The following GANAB variants were observed in gnomAD, a reference collection of about 807,000 sequenced individuals.
GANAB encodes the protein glucosidase II alpha subunit.
A neutral mutation model predicts 129.9 loss-of-function variants in GANAB; 35 were observed. That is an observed-to-expected ratio of 0.27 (90% CI 0.21 to 0.36). GANAB has a LOEUF of 0.36. Among genes scored for constraint, GANAB ranks in the 10% least tolerant of loss-of-function variants. GANAB has a pLI of 1.00. For synonymous variants in GANAB, 482 were observed against 451.8 expected (o/e 1.07, Z -0.85); for missense variants, 939 against 1,221.0 (o/e 0.77, Z 3.44).
intron 16 of GANAB, 78 bp downstream of exon 16, chr11:62,629,116 T>G (rs1042080194): frequency 1.4e-5 from 22 of 1,537,234 alleles, no homozygotes; most frequent in African/African-American, 5.5e-5. Flanking sequence ...CTCTCTTTGC[T>G]TACAACACCT....
At chr11:62,638,354 A>G (rs1944042401) in intron 4 of GANAB, among the ~76,000 whole-genome samples, 3 of 152,222 alleles carry the variant, frequency 2.0e-5, no homozygotes, top group South Asian at 2.1e-4. Flanking sequence ...GGGTTTCACC[A>G]TGTTGGCCAA....
intron 5 of GANAB, chr11:62,634,435 CAG>C: frequency 4.5e-6 from 5 of 1,104,924 alleles, no homozygotes; most frequent in Non-Finnish European, 7.0e-6. Context: ...AACACAAAAA[CAG>C]AAACATAAAA....
In GANAB at chr11:62,632,995, T is replaced by C. The variant is rs781207812; in HGVS notation, c.815+10A>G. 5 of 1,501,880 alleles carry C rather than the reference T, an allele frequency of 3.3e-6. No homozygotes were observed. Among genetic ancestry groups the C allele is most frequent in the Non-Finnish European group, 4.6e-6 (5 of 1,077,954 alleles). 93.0% of individuals were successfully genotyped at this position (1,501,880 alleles called of 1,614,324 possible). Reference sequence around the variant, plus strand: ...CACCTCCATCTTCCTGATGTCACCATAGGACTCACTCAGTGACCTTCAGCC... The same window carrying C: ...CACCTCCATCTTCCTGATGTCACCACAGGACTCACTCAGTGACCTTCAGCC... On this transcript the variant is annotated intron_variant, in intron 8 of 23. Transcript: ENST00000356638.
rs771955177 is a variant in GANAB at position 62,634,824 on chromosome 11, ACCCTAGGGG to A, written c.548_556del (p.Ala183_Arg185del). The A allele has an allele frequency of 2.5e-6, 4 of 1,612,732 alleles. No homozygotes were observed. Among genetic ancestry groups the A allele is most frequent in the African/African-American group, 2.7e-5 (2 of 74,834 alleles). On this transcript the variant is annotated inframe_deletion, in exon 5 of 24. Transcript: ENST00000356638. ...CAGTCCCAACCCCTGTACTCACGAG[ACCCTAGGGG>A]CCCTCTGATGCTCAAACTCCAAGAG...
intron 1 of GANAB, chr11:62,639,999 GC>G: frequency 2.6e-6 from 1 of 380,286 alleles, no homozygotes; most frequent in Non-Finnish European, 4.8e-6. Flanking sequence ...ACTTTGGGAG[GC>G]TGCGGCGGGC....
chr11:62,644,903 A>G (rs987861571), intron 1 of GANAB, among the ~76,000 whole-genome samples: 2 of 152,158 alleles, frequency 1.3e-5, no homozygotes, highest in African/African-American at 4.8e-5. Flanking sequence ...TCTATTATAC[A>G]CATTGTATCT....
In GANAB at chr11:62,639,344, C is replaced by T. The variant is rs909254322; in HGVS notation, c.252+15G>A. On this transcript the variant is annotated intron_variant, in intron 3 of 23. Coordinates refer to ENST00000356638, the MANE Select transcript of GANAB (RefSeq NM_198334.3). ...TTGCCCCACCCCCACCAGACTCTTC[C>T]TTGTCTCTCCTGACCTTGGTGACCT... 3.9e-6 allele frequency: 6 copies of T among 1,555,670 alleles called. No homozygotes were observed. The Middle Eastern group carries it at 5.0e-4, about 130-fold the overall frequency.
Position 62,627,079 on chromosome 11 carries a change from C to A in GANAB, c.2291G>T (p.Gly764Val), listed in dbSNP as rs1199675120. 6.2e-7 allele frequency: 1 copy of A among 1,614,034 alleles called. No individual in the cohort carries two copies. The highest frequency in any genetic ancestry group is 8.5e-7 in the Non-Finnish European group (1 of 1,179,884). ...VHPVSDSGAH[G>V]VQVYLPGQGE... ...TTGGCCAGGCAGATAGACCTGGACACCATGGGCTCCAGAGTCTGATACAGG... is the reference window on the plus strand; with the variant it reads ...TTGGCCAGGCAGATAGACCTGGACAACATGGGCTCCAGAGTCTGATACAGG... The change falls in exon 19 of 24, where the codon GGT becomes GTT. Residue 764 changes from glycine to valine, a missense_variant. Gly to Val is a moderately radical substitution (Grantham distance 109, BLOSUM62 -3). This residue lies in a region of GANAB where 230 missense variants were observed against 259.9 expected (regional missense o/e 0.89). Coordinates refer to ENST00000356638, the MANE Select transcript of GANAB (RefSeq NM_198334.3).
intron 15 of GANAB, 71 bp downstream of exon 15, chr11:62,629,517 G>T: frequency 2.0e-6 from 2 of 1,015,142 alleles, no homozygotes; most frequent in Non-Finnish European, 1.5e-6. Context: ...CAGAGAGGCA[G>T]GTCCAGGTCC....
chr11:62,629,760 A>G (rs915137149), intron 14 of GANAB, 54 bp downstream of exon 14: 1 of 1,609,060 alleles, frequency 6.2e-7, no homozygotes, highest in Non-Finnish European at 8.5e-7. Flanking sequence ...CTAGGCCCTC[A>G]GTCTCTGGGC....
Position 62,634,951 on chromosome 11 carries a change from C to A in GANAB, c.430G>T (p.Glu144Ter). 1.2e-6 allele frequency: 2 copies of A among 1,613,886 alleles called. No homozygotes were observed. Among genetic ancestry groups the A allele is most frequent in the Non-Finnish European group, 1.7e-6 (2 of 1,179,752 alleles). ...GTCAAGATGATCTTGTAGGGTCCCT[C>A]AGCCATGGTTAACTCCACACTGTTC... ...DENSVELTMA[E>*]GPYKIILTAR... Residue 144 changes from glutamate (E) to a stop codon, truncating the protein, a stop_gained, in exon 5 of 24, where the codon GAG (glutamate) becomes TAG (stop). Coordinates refer to ENST00000356638, the MANE Select transcript of GANAB (RefSeq NM_198334.3). LOFTEE classifies it high-confidence loss of function.
chr11:62,637,666 C>T (rs1430415878), intron 4 of GANAB, among the ~76,000 whole-genome samples: 2 of 152,086 alleles, frequency 1.3e-5, no homozygotes, highest in Non-Finnish European at 2.9e-5. Context: ...TATATTCATA[C>T]AACATAATAA....
At chr11:62,634,482 G>C in intron 5 of GANAB, 1 of 745,850 alleles carries the variant, frequency 1.3e-6, no homozygotes, top group Non-Finnish European at 2.4e-6. Context: ...AGAGATGGGG[G>C]GAAAAAGAAA....
At chr11:62,642,437 CTT>C (rs769063549) in intron 1 of GANAB, among the ~76,000 whole-genome samples, 13 of 140,674 alleles carry the variant, frequency 9.2e-5, no homozygotes, top group Non-Finnish European at 1.1e-4. Flanking sequence ...GGGCATCAGA[CTT>C]TTTTTTTTTT....
Position 62,646,163 on chromosome 11 carries a change from A to AGGGGCCGC in GANAB, c.38+391_38+398dup, listed in dbSNP as rs1166661441. ...TGGCCCGGTGCTTCCAGCTCAGCCGAGGGGCCGCGGGGCCGCAGGCTGCAT... is the reference window on the plus strand; with the variant it reads ...TGGCCCGGTGCTTCCAGCTCAGCCGAGGGGCCGCGGGGCCGCGGGGCCGCAGGCTGCAT... On this transcript the variant is annotated intron_variant, in intron 1 of 23. Coordinates refer to ENST00000356638, the MANE Select transcript of GANAB (RefSeq NM_198334.3). Among the ~76,000 whole-genome samples the AGGGGCCGC allele has an allele frequency of 3.0e-3, 455 of 152,274 alleles. 10 individuals carry two copies. The highest frequency in any genetic ancestry group is 0.027 in the Admixed American group (417 of 15,304).
At position 62,631,171 on chromosome 11, in the gene GANAB, T is replaced by C. The variant is rs759817337; in HGVS notation, c.1009A>G (p.Lys337Glu). 3 of 1,591,790 alleles carry C rather than the reference T, an allele frequency of 1.9e-6. No individual in the cohort carries two copies. Among genetic ancestry groups the C allele is most frequent in the East Asian group, 2.3e-5 (1 of 44,164 alleles). Reference protein sequence around the residue: ...SNTAGKTLFGKMMDYLQGSGE... With the variant: ...SNTAGKTLFGEMMDYLQGSGE... ...GAGCCCTGCAGGTAGTCCATCATCT[T>C]CCCAAACAGGGTCTGTATAGGTGAC... Residue 337 changes from lysine to glutamate, a missense_variant, in exon 10 of 24, where the codon AAG (lysine) becomes GAG (glutamate). By Grantham distance (56) the Lys-to-Glu change is moderately conservative (BLOSUM62 1). Around this residue, in one of 5 missense-constraint regions of GANAB, gnomAD observed 220 missense variants for 295.9 expected, o/e 0.74. Transcript: ENST00000356638.
intron 4 of GANAB, among the ~76,000 whole-genome samples, chr11:62,637,230 T>C (rs775599848): frequency 1.3e-5 from 2 of 152,170 alleles, no homozygotes; most frequent in African/African-American, 4.8e-5. Context: ...TGAACTTTAG[T>C]AACTAATGTA....
At position 62,625,973 on chromosome 11, in the gene GANAB, A is replaced by G. The variant is rs181231903; in HGVS notation, c.2726-49T>C. 6.3e-4 allele frequency: 939 copies of G among 1,479,110 alleles called. 1 individual carries two copies. The highest frequency in any genetic ancestry group is 1.8e-3 in the Admixed American group (105 of 59,822). The allele number at this position is 1,479,110 out of a possible 1,614,324, so 91.6% of individuals were successfully genotyped here. On this transcript the variant is annotated intron_variant, in intron 23 of 23. Coordinates refer to ENST00000356638, the MANE Select transcript of GANAB (RefSeq NM_198334.3). ...CATAGTCATACCAATGGGCTATAGCATAACAACAACGTTCCTACAGGCAAG... is the reference window on the plus strand; with the variant it reads ...CATAGTCATACCAATGGGCTATAGCGTAACAACAACGTTCCTACAGGCAAG...
intron 1 of GANAB, 61 bp from the exon 2 acceptor site, chr11:62,639,792 AAAGGAAAAGC>A: frequency 1.0e-6 from 1 of 993,842 alleles, no homozygotes; most frequent in Non-Finnish European, 1.6e-6. Context: ...GCCCCCTTCA[AAAGGAAAAGC>A]TTCTTCCTGT....
Sources: gnomAD v4.1 joint callset for allele counts (sites outside exome capture counted in the v4.1 genomes callset) on GRCh38, gnomAD v4.1.1 for gene constraint, gnomAD v4.1.1 regional missense constraint, MANE v1.5 for transcripts, NCBI Gene and HGNC (gene_info 2026-07-23, HGNC 2026-07-21) for gene names.